R3HDM1: variants seen among roughly 807,000 people sequenced by gnomAD.
R3HDM1 encodes the protein R3H domain containing 1, also known as R3H domain-containing protein 1.
A neutral mutation model predicts 141.1 loss-of-function variants in R3HDM1; 46 were observed. That is an observed-to-expected ratio of 0.33 (90% CI 0.26 to 0.42). R3HDM1 has a LOEUF of 0.42. Among genes scored for constraint, R3HDM1 ranks in the 10% least tolerant of loss-of-function variants. The probability of loss-of-function intolerance (pLI) is 1.00; values close to 1 mark genes in which losing one functional copy is unlikely to be tolerated. For missense variants in R3HDM1, 1,184 were observed against 1,368.3 expected, an observed-to-expected ratio of 0.87 and a Z score of 2.12; for synonymous variants, 435 against 472.9, an observed-to-expected ratio of 0.92 and a Z score of 1.04.
chr2:135,682,533 G>A (rs948479024), intron 21 of R3HDM1, among the ~76,000 whole-genome samples: 5 of 152,186 alleles, frequency 3.3e-5, no homozygotes, highest in Admixed American at 2.0e-4. Flanking sequence ...GCTGTCAAGC[G>A]AGTGCTGATG....
At chr2:135,607,267 G>A (rs923902861) in intron 3 of R3HDM1, 3 of 980,150 alleles carry the variant, frequency 3.1e-6, no homozygotes, top group Admixed American at 6.1e-5. Context: ...GATTACAGGC[G>A]TGAGCCACCG....
rs35038268 is a variant in R3HDM1, at chr2:135,577,414, CAAAAAAAAAA to C, written c.-249-25069_-249-25060del. On this transcript the variant is annotated intron_variant, in intron 1 of 26. Transcript: ENST00000683871. Reference sequence around the variant, plus strand: ...AAAGAACTCTTAATAATTAAATGACCAAAAAAAAAAAAAAAAAAAAAAAAAAGCCTTGAGC... The same window carrying C: ...AAAGAACTCTTAATAATTAAATGACCAAAAAAAAAAAAAAAAGCCTTGAGC... 2.0e-3 allele frequency among the ~76,000 whole-genome samples: 32 copies of C among 15,810 alleles called. No homozygotes were observed. The South Asian group carries it at 0.043, about 21-fold the overall frequency. 10.4% of individuals were successfully genotyped at this position (15,810 alleles called of 152,430 possible). A position where few individuals can be genotyped will look rare whatever the true frequency, so the allele number is the denominator to read the frequency against.
At chr2:135,622,892 T>C (rs2061641126) in intron 7 of R3HDM1, 160 bp downstream of exon 7, 3 of 983,702 alleles carry the variant, frequency 3.0e-6, no homozygotes, top group South Asian at 9.4e-5. Flanking sequence ...GTTGGTCTAG[T>C]ATATGCAAAT....
intron 9 of R3HDM1, among the ~76,000 whole-genome samples, chr2:135,633,106 ATCTTT>A (rs539685900): frequency 1.3e-5 from 2 of 152,166 alleles, no homozygotes; most frequent in Non-Finnish European, 2.9e-5. Flanking sequence ...TTAGAAAGGG[ATCTTT>A]TCTTCTTATA....
chr2:135,653,054 TAA>T (rs529959315), intron 18 of R3HDM1, among the ~76,000 whole-genome samples: 2 of 139,120 alleles, frequency 1.4e-5, no homozygotes, highest in African/African-American at 5.3e-5. Flanking sequence ...TTGATGTTCT[TAA>T]AAAAAAAAAA....
intron 18 of R3HDM1, among the ~76,000 whole-genome samples, chr2:135,653,066 A>AG (rs2065329212): frequency 6.6e-6 from 1 of 151,916 alleles, no homozygotes; most frequent in Non-Finnish European, 1.5e-5. Context: ...AAAAAAAAAA[A>AG]AAACACGGGC....
chr2:135,559,427 A>G (rs952182452), intron 1 of R3HDM1, among the ~76,000 whole-genome samples: 31 of 152,106 alleles, frequency 2.0e-4, no homozygotes, highest in African/African-American at 7.2e-4. Context: ...CACAAAATAT[A>G]TTACCTTCTT....
Position 135,639,014 on chromosome 2 carries a change from A to G in R3HDM1, c.1111A>G (p.Asn371Asp). Residue 371 changes from asparagine (N) to aspartate (D), a missense_variant, in exon 14 of 27, where the codon AAC becomes GAC. By Grantham distance (23) the Asn-to-Asp change is conservative. Around this residue, in one of 5 missense-constraint regions of R3HDM1, gnomAD observed 240 missense variants for 312.3 expected, o/e 0.77. Coordinates refer to ENST00000683871, the MANE Select transcript of R3HDM1 (RefSeq NM_001378107.1). ...CACAGATTCAGACAGCTCTCTTCGA[A>G]ACCTGAAACCTGCTGTAACCAAAGC... is the stretch of plus-strand genomic sequence containing the variant. The part of the protein sequence containing the change: ...SSTDSDSSLR[N>D]LKPAVTKASS... The G allele has an allele frequency of 3.7e-6, 6 of 1,614,178 alleles. No homozygotes were observed. The highest frequency in any genetic ancestry group is 4.2e-6 in the Non-Finnish European group (5 of 1,180,020).
At chr2:135,692,101 C>T (rs172690) in intron 21 of R3HDM1, among the ~76,000 whole-genome samples, 4,446 of 151,916 alleles carry the variant, frequency 0.029, 198 homozygotes, top group African/African-American at 0.092. Context: ...TTAGTGTAGG[C>T]GGGGTTCACC....
intron 1 of R3HDM1, among the ~76,000 whole-genome samples, chr2:135,546,070 G>A (rs768164853): frequency 2.0e-5 from 3 of 152,192 alleles, no homozygotes. Context: ...AAGTGCCTGT[G>A]GGTATCTGAA....
chr2:135,667,803 A>G (rs2067761115), intron 19 of R3HDM1: 1 of 943,940 alleles, frequency 1.1e-6, no homozygotes, highest in African/African-American at 1.8e-5. Context: ...TCTTCAAACT[A>G]TACTTTTGAC....
At chr2:135,559,784 T>C (rs1009644609) in intron 1 of R3HDM1, among the ~76,000 whole-genome samples, 2 of 152,254 alleles carry the variant, frequency 1.3e-5, no homozygotes, top group African/African-American at 4.8e-5. Context: ...AAGTATGCCC[T>C]GGCAGAGCTC....
intron 1 of R3HDM1, among the ~76,000 whole-genome samples, chr2:135,533,726 A>G (rs757536443): frequency 4.6e-5 from 7 of 152,162 alleles, no homozygotes; most frequent in Non-Finnish European, 7.3e-5. Flanking sequence ...GAAAATACAA[A>G]AAATTAGTCG....
At chr2:135,723,409 G>A (rs887440690) in intron 26 of R3HDM1, among the ~76,000 whole-genome samples, 7 of 151,644 alleles carry the variant, frequency 4.6e-5, no homozygotes, top group South Asian at 2.1e-4. Context: ...AGGTGCGCCC[G>A]GCTCAGTAGC....
At chr2:135,629,514 C>T (rs1283724531) in intron 7 of R3HDM1, among the ~76,000 whole-genome samples, 2 of 152,024 alleles carry the variant, frequency 1.3e-5, no homozygotes, top group Admixed American at 6.6e-5. Context: ...TTTTGTTGAA[C>T]CTTTCTATAT....
intron 3 of R3HDM1, among the ~76,000 whole-genome samples, chr2:135,612,902 T>C (rs1394194980): frequency 6.6e-6 from 1 of 152,228 alleles, no homozygotes; most frequent in Non-Finnish European, 1.5e-5. Context: ...AAACAACTTG[T>C]TTTCTCTGCT....
intron 1 of R3HDM1, chr2:135,533,959 CTG>C (rs1695496560): frequency 4.1e-6 from 4 of 978,002 alleles, no homozygotes; most frequent in Non-Finnish European, 4.9e-6. Flanking sequence ...TAAATATTAA[CTG>C]TTATTTTCAT....
chr2:135,629,037 C>T (rs2062350775), intron 7 of R3HDM1, among the ~76,000 whole-genome samples: 1 of 152,120 alleles, frequency 6.6e-6, no homozygotes, highest in African/African-American at 2.4e-5. Flanking sequence ...TTGGATGAGG[C>T]TGGGCACAGT....
chr2:135,722,568 G>A lies in R3HDM1; in HGVS notation c.3049+15G>A, dbSNP rs766780128. On this transcript the variant is annotated intron_variant, in intron 26 of 26. Transcript: ENST00000683871. ...AGGAGAAACAGGTATGTCTCTGAGGGGCAACTAGATGTGGGTCTGCAAACT... is the reference window on the plus strand; with the variant it reads ...AGGAGAAACAGGTATGTCTCTGAGGAGCAACTAGATGTGGGTCTGCAAACT... 1 of 1,608,152 alleles carries A rather than the reference G, an allele frequency of 6.2e-7. No homozygotes were observed. The highest frequency in any genetic ancestry group is 8.5e-7 in the Non-Finnish European group (1 of 1,177,448).
Sources: allele counts gnomAD v4.1 joint callset (sites outside exome capture counted in the v4.1 genomes callset), GRCh38; gene constraint gnomAD v4.1.1; regional missense constraint gnomAD v4.1.1; transcripts MANE v1.5; gene names NCBI Gene and HGNC (gene_info 2026-07-23, HGNC 2026-07-21).